Variants in DCAF8L2 observed in about 807,000 individuals in gnomAD.
DCAF8L2 encodes DDB1 and CUL4 associated factor 8 like 2, also known as DDB1- and CUL4-associated factor 8-like protein 2.
For missense variants in DCAF8L2, 430 were observed against 490.7 expected, an observed-to-expected ratio of 0.88 and a Z score of 1.17; for synonymous variants, 200 against 190.9, an observed-to-expected ratio of 1.05 and a Z score of -0.39.
the DCAF8L2 span, among the ~76,000 whole-genome samples, chrX:27,535,671 A>G: frequency 8.9e-6 from 1 of 111,886 alleles, no homozygotes; most frequent in African/African-American, 3.2e-5. Context: ...CCAGAGTGCT[A>G]TACTGTTGTA....
At chrX:27,497,509 TTTCC>T in the DCAF8L2 span, among the ~76,000 whole-genome samples, 5,741 of 46,473 alleles carry the variant, frequency 0.12, 241 homozygotes, top group Admixed American at 0.2. Context: ...TCTTTCTTTC[TTTCC>T]TTCCTTCCTT....
the DCAF8L2 span, among the ~76,000 whole-genome samples, chrX:27,497,133 T>G: frequency 2.3e-4 from 25 of 111,082 alleles, 1 homozygote; most frequent in Middle Eastern, 9.3e-3. Flanking sequence ...CTATGATGAT[T>G]ATTTTGTCCT....
intron 4 of DCAF8L2, among the ~76,000 whole-genome samples, chrX:27,717,132 A>C (rs780191546): frequency 3.5e-4 from 39 of 112,434 alleles, no homozygotes; most frequent in African/African-American, 1.2e-3. Flanking sequence ...CCAGTCTTTC[A>C]TTGATGGGCA....
chrX:27,624,926 G>A (rs1927940316), intron 1 of DCAF8L2, among the ~76,000 whole-genome samples: 1 of 111,737 alleles, frequency 8.9e-6, no homozygotes, highest in African/African-American at 3.3e-5. Context: ...ATACCATTCT[G>A]GATATAGGCC....
At chrX:27,484,709 T>C in the DCAF8L2 span, among the ~76,000 whole-genome samples, 1 of 111,688 alleles carries the variant, frequency 9.0e-6, no homozygotes, top group African/African-American at 3.2e-5. Flanking sequence ...GAAATATTTC[T>C]ATATTAGGCA....
chrX:27,518,032 A>T, the DCAF8L2 span: 7 of 998,331 alleles, frequency 7.0e-6, no homozygotes, highest in South Asian at 1.3e-4. Flanking sequence ...GCAAGATGTT[A>T]AAAAAGTGAA....
At chrX:27,742,192 T>C (rs1402516990) in intron 4 of DCAF8L2, among the ~76,000 whole-genome samples, 1 of 111,554 alleles carries the variant, frequency 9.0e-6, no homozygotes, top group East Asian at 2.8e-4. Context: ...AGAGGATCTT[T>C]AGGCACACAT....
intron 1 of DCAF8L2, among the ~76,000 whole-genome samples, chrX:27,615,609 T>C (rs1400895017): frequency 1.8e-5 from 2 of 110,934 alleles, no homozygotes; most frequent in Non-Finnish European, 3.8e-5. Flanking sequence ...AGATTCACTG[T>C]TCACCAAGAC....
At chrX:27,579,451 T>C in the DCAF8L2 span, among the ~76,000 whole-genome samples, 2 of 110,306 alleles carry the variant, frequency 1.8e-5, no homozygotes, top group Non-Finnish European at 3.8e-5. Flanking sequence ...AGCTAATGCA[T>C]GTGGGGCTTA....
chrX:27,518,234 A>T, the DCAF8L2 span: 6 of 874,212 alleles, frequency 6.9e-6, no homozygotes, highest in African/African-American at 1.2e-4. Flanking sequence ...GGTTATAATA[A>T]AGAGATTCAT....
chrX:27,649,882 G>T (rs886702533), intron 2 of DCAF8L2, among the ~76,000 whole-genome samples: 13 of 111,672 alleles, frequency 1.2e-4, no homozygotes, highest in African/African-American at 4.2e-4. Flanking sequence ...TCCCAAGGCT[G>T]ATGCATAGAA....
chrX:27,705,529 T>C (rs1052877889), intron 3 of DCAF8L2, among the ~76,000 whole-genome samples: 1 of 100,832 alleles, frequency 9.9e-6, no homozygotes, highest in Non-Finnish European at 2.0e-5. Context: ...TTGATTTGCA[T>C]TGCTTTAATG....
chrX:27,725,379 C>G (rs950539643), intron 4 of DCAF8L2, among the ~76,000 whole-genome samples: 9 of 111,070 alleles, frequency 8.1e-5, no homozygotes, highest in Non-Finnish European at 1.5e-4. Context: ...AGACTCTTAG[C>G]TCAGCAATCC....
chrX:27,622,286 G>A (rs1290453461), intron 1 of DCAF8L2, among the ~76,000 whole-genome samples: 1 of 87,740 alleles, frequency 1.1e-5, no homozygotes, highest in South Asian at 4.2e-4. Context: ...TTAGCCGGGC[G>A]TAGTGGCGGA....
chrX:27,656,194 T>G (rs1017209826), intron 2 of DCAF8L2, among the ~76,000 whole-genome samples: 2 of 112,182 alleles, frequency 1.8e-5, no homozygotes, highest in Non-Finnish European at 3.8e-5. Context: ...TATTATAGGA[T>G]TCTATTTTCC....
chrX:27,652,007 A>G (rs1215141272), intron 2 of DCAF8L2, among the ~76,000 whole-genome samples: 4 of 110,298 alleles, frequency 3.6e-5, no homozygotes, highest in Non-Finnish European at 7.6e-5. Flanking sequence ...TATGTCAAGT[A>G]GTAAATATGG....
chrX:27,509,512 G>A, the DCAF8L2 span, among the ~76,000 whole-genome samples: 84 of 112,081 alleles, frequency 7.5e-4, no homozygotes, highest in African/African-American at 2.5e-3. Flanking sequence ...AGGAAATATT[G>A]TTGTAAATGA....
rs748841788 is a variant in DCAF8L2, at chrX:27,748,278, G to A, written c.1383G>A (p.Lys461=). The A allele has an allele frequency of 1.7e-5, 21 of 1,210,023 alleles. No homozygotes were observed. Among genetic ancestry groups the A allele is most frequent in the Non-Finnish European group, 2.3e-5 (21 of 895,166 alleles). Residue 461 remains lysine (K), a synonymous_variant, in exon 5 of 5, where the codon AAG becomes AAA. Transcript: ENST00000451261. The part of the protein sequence containing the change: ...SSHSDGAQYS[K]RFKGHRNNTT... ...ACAGTGATGGTGCTCAATACAGTAA[G>A]AGATTTAAGGGACACAGAAATAATA...
At chrX:27,585,919 A>T (rs1925895185), upstream of DCAF8L2, among the ~76,000 whole-genome samples, 1 of 111,972 alleles carries the variant, frequency 8.9e-6, no homozygotes, top group Non-Finnish European at 1.9e-5. Context: ...CCATTATAAA[A>T]TGTTTTATAT....
Sources: allele counts gnomAD v4.1 joint callset (sites outside exome capture counted in the v4.1 genomes callset), GRCh38; gene constraint gnomAD v4.1.1; transcripts MANE v1.5; gene names NCBI Gene and HGNC (gene_info 2026-07-23, HGNC 2026-07-21).